GLRA3: variants seen among roughly 807,000 people sequenced by gnomAD.
GLRA3 encodes glycine receptor alpha 3, also known as glycine receptor subunit alpha-3.
GLRA3 carries 44 observed loss-of-function variants against 60.4 expected under a neutral mutation model. The ratio of observed to expected loss-of-function variants is 0.73; its 90% CI spans 0.57 to 0.94. The LOEUF (loss-of-function observed/expected upper bound fraction) is 0.94. Among genes scored for constraint, GLRA3 ranks in the 40% least tolerant of loss-of-function variants. GLRA3 has a pLI of 0.00. For missense variants in GLRA3, 508 were observed against 564.6 expected (o/e 0.90, Z 1.02); for synonymous variants, 223 against 192.9 (o/e 1.16, Z -1.29).
chr4:174,686,410 C>G (rs527338231), intron 5 of GLRA3, among the ~76,000 whole-genome samples: 2 of 152,240 alleles, frequency 1.3e-5, no homozygotes, highest in East Asian at 3.9e-4. Flanking sequence ...ATAAGCTTCC[C>G]AATGAAAACT....
At chr4:174,783,443 G>T (rs1270765431) in intron 2 of GLRA3, among the ~76,000 whole-genome samples, 4 of 131,022 alleles carry the variant, frequency 3.1e-5, no homozygotes, top group Admixed American at 7.6e-5. Flanking sequence ...CAAAAGCAAC[G>T]GCAACAAAAG....
intron 1 of GLRA3, among the ~76,000 whole-genome samples, chr4:174,824,584 A>T (rs906657427): frequency 2.6e-5 from 4 of 152,302 alleles, no homozygotes; most frequent in Middle Eastern, 3.4e-3. Flanking sequence ...ATAATTTTAA[A>T]TCATGAACTG....
At chr4:174,799,215 A>T (rs147407502) in intron 1 of GLRA3, among the ~76,000 whole-genome samples, 4 of 152,374 alleles carry the variant, frequency 2.6e-5, no homozygotes, top group Non-Finnish European at 5.9e-5. Flanking sequence ...TGGATTACAG[A>T]TGAAGAAACA....
chr4:174,767,136 A>G, intron 2 of GLRA3, 106 bp from the exon 3 acceptor site: 1 of 572,356 alleles, frequency 1.7e-6, no homozygotes, highest in South Asian at 2.6e-5. Flanking sequence ...ACACACACAC[A>G]CACACACACA....
At chr4:174,742,664 T>C (rs1737072016) in intron 3 of GLRA3, among the ~76,000 whole-genome samples, 3 of 152,148 alleles carry the variant, frequency 2.0e-5, no homozygotes, top group South Asian at 2.1e-4. Context: ...TATGTGCCAT[T>C]AGAAAATTAC....
At chr4:174,746,393 T>G (rs971921133) in intron 3 of GLRA3, among the ~76,000 whole-genome samples, 2 of 152,090 alleles carry the variant, frequency 1.3e-5, no homozygotes, top group Admixed American at 1.3e-4. Context: ...AAGTCAGGTA[T>G]GGAAAGACAA....
chr4:174,742,894 T>C (rs1174461963), intron 3 of GLRA3, among the ~76,000 whole-genome samples: 3 of 152,192 alleles, frequency 2.0e-5, no homozygotes, highest in African/African-American at 7.2e-5. Context: ...GGCAAAATTA[T>C]TGAAGATCCA....
intron 3 of GLRA3, among the ~76,000 whole-genome samples, chr4:174,730,390 CT>C (rs1736507433): frequency 6.6e-6 from 1 of 152,114 alleles, no homozygotes; most frequent in African/African-American, 2.4e-5. Flanking sequence ...CAGGAGAAGA[CT>C]GAACAAGGTC....
chr4:174,663,842 C>T (rs1733555189), intron 7 of GLRA3, among the ~76,000 whole-genome samples: 1 of 152,186 alleles, frequency 6.6e-6, no homozygotes, highest in Non-Finnish European at 1.5e-5. Context: ...CTGTATGTCT[C>T]CCTTTTGGGC....
chr4:174,819,012 T>C (rs1386291306), intron 1 of GLRA3, among the ~76,000 whole-genome samples: 1 of 152,220 alleles, frequency 6.6e-6, no homozygotes, highest in East Asian at 1.9e-4. Flanking sequence ...ATCAGAAATG[T>C]AATCACTTGT....
At chr4:174,713,924 C>T (rs949134175) in intron 5 of GLRA3, among the ~76,000 whole-genome samples, 2 of 152,156 alleles carry the variant, frequency 1.3e-5, no homozygotes, top group African/African-American at 4.8e-5. Context: ...TATCAATTGT[C>T]CCATCAACAT....
intron 3 of GLRA3, among the ~76,000 whole-genome samples, chr4:174,737,448 C>G (rs1274067089): frequency 6.6e-6 from 1 of 152,170 alleles, no homozygotes. Flanking sequence ...GAAAACTGAA[C>G]ATAAATATAA....
At chr4:174,803,012 G>T (rs1210751604) in intron 1 of GLRA3, among the ~76,000 whole-genome samples, 1 of 151,968 alleles carries the variant, frequency 6.6e-6, no homozygotes, top group Non-Finnish European at 1.5e-5. Flanking sequence ...TTAATATTGG[G>T]TTATGGTGGG....
chr4:174,762,813 T>C (rs1737989238), intron 3 of GLRA3, among the ~76,000 whole-genome samples: 1 of 152,152 alleles, frequency 6.6e-6, no homozygotes, highest in South Asian at 2.1e-4. Flanking sequence ...CATATACCTG[T>C]GTTACTACTA....
chr4:174,718,789 T>C (rs1736021625), intron 4 of GLRA3, among the ~76,000 whole-genome samples: 1 of 152,138 alleles, frequency 6.6e-6, no homozygotes, highest in African/African-American at 2.4e-5. Context: ...AAACACTTTG[T>C]GTATGTTAAC....
chr4:174,695,299 C>T lies in GLRA3; in HGVS notation c.575-12360G>A, dbSNP rs538106112. On this transcript the variant is annotated intron_variant, in intron 5 of 9. Coordinates refer to ENST00000274093, the MANE Select transcript of GLRA3 (RefSeq NM_006529.4). ...AAGACGCAACAAAAAAAGAAAACTT[C>T]AGGCCAATATCCTTGAAGAACATCG... is the stretch of plus-strand genomic sequence containing the variant. 2.4e-4 allele frequency among the ~76,000 whole-genome samples: 36 copies of T among 152,092 alleles called. No homozygotes were observed. In the South Asian group the frequency reaches 7.1e-3, roughly 30 times the overall value.
chr4:174,766,996 G>C lies in GLRA3; in HGVS notation c.234C>G (p.Ile78Met). ...PPVNVTCNIF[I>M]NSFGSIAETT... ...TCTCTGCGATAGAGCCAAAGCTGTT[G>C]ATGAATATGTTGCATGTGACATTAA... The change falls in exon 3 of 10, where the codon ATC becomes ATG. Residue 78 changes from isoleucine (I) to methionine (M), a missense_variant. Coordinates refer to ENST00000274093, the MANE Select transcript of GLRA3 (RefSeq NM_006529.4). 6.2e-7 allele frequency: 1 copy of C among 1,602,838 alleles called. No individual in the cohort carries two copies. The highest frequency in any genetic ancestry group is 8.5e-7 in the Non-Finnish European group (1 of 1,171,070).
At chr4:174,715,339 T>C in intron 5 of GLRA3, 149 bp downstream of exon 5, 1 of 524,172 alleles carries the variant, frequency 1.9e-6, no homozygotes, top group East Asian at 3.1e-5. Flanking sequence ...ATAGGTATCA[T>C]TATTTTCAGT....
chr4:174,699,946 G>A (rs1384473030), intron 5 of GLRA3, among the ~76,000 whole-genome samples: 1 of 151,634 alleles, frequency 6.6e-6, no homozygotes, highest in Non-Finnish European at 1.5e-5. Context: ...ATTCAATTGT[G>A]TTGTAATCCA....
Sources: allele counts gnomAD v4.1 joint callset (sites outside exome capture counted in the v4.1 genomes callset), GRCh38; gene constraint gnomAD v4.1.1; transcripts MANE v1.5; gene names NCBI Gene and HGNC (gene_info 2026-07-23, HGNC 2026-07-21).